LRP5: variants seen among roughly 807,000 people sequenced by gnomAD.
The protein encoded by LRP5 is LDL receptor related protein 5.
In LRP5, 62 loss-of-function variants were observed where a neutral mutation model predicts 154.1. That is an observed-to-expected ratio of 0.40 (90% CI 0.33 to 0.50). The LOEUF (loss-of-function observed/expected upper bound fraction) is 0.50, where lower values mean the gene tolerates loss of function less well. Among genes scored for constraint, LRP5 ranks in the 20% least tolerant of loss-of-function variants. LRP5 has a pLI of 0.55. For synonymous variants in LRP5, 966 were observed against 1,011.5 expected, an observed-to-expected ratio of 0.96 and a Z score of 0.85; for missense variants, 1,915 against 2,336.7, an observed-to-expected ratio of 0.82 and a Z score of 3.72.
intron 2 of LRP5, among the ~76,000 whole-genome samples, chr11:68,357,096 T>C (rs1565342027): frequency 6.6e-6 from 1 of 152,068 alleles, no homozygotes; most frequent in Non-Finnish European, 1.5e-5. Flanking sequence ...CTACCACGCC[T>C]GGCTAATGTT....
rs771614628 is a variant in LRP5, at chr11:68,436,986, C to G, written c.4098C>G (p.Asp1366Glu). 3 of 1,613,492 alleles carry G rather than the reference C, an allele frequency of 1.9e-6. No individual in the cohort carries two copies. In the East Asian group the frequency reaches 6.7e-5, roughly 36 times the overall value. Residue 1366 changes from aspartate to glutamate, a missense_variant, in exon 19 of 23, where the codon GAC becomes GAG. By Grantham distance (45) the Asp-to-Glu change is conservative. Around this residue, in one of 3 missense-constraint regions of LRP5, gnomAD observed 1,094 missense variants for 1,210.1 expected, o/e 0.90. Transcript: ENST00000294304. The stretch of plus-strand genomic sequence containing the variant: ...TCCCCGACTGTATCGACGGCTCCGA[C>G]GAGCTCATGTGTGGTGAGCCAGCTT... Reference protein sequence around the residue: ...DSFPDCIDGSDELMCEITKPP... With the variant: ...DSFPDCIDGSEELMCEITKPP...
chr11:68,427,001 T>C (rs1416599045), intron 16 of LRP5, among the ~76,000 whole-genome samples: 1 of 152,190 alleles, frequency 6.6e-6, no homozygotes, highest in Non-Finnish European at 1.5e-5. Flanking sequence ...GCCTCAGCAG[T>C]GGGGGCTCCC....
At chr11:68,305,902 C>T in the LRP5 span, among the ~76,000 whole-genome samples, 1 of 152,216 alleles carries the variant, frequency 6.6e-6, no homozygotes, top group Non-Finnish European at 1.5e-5. Flanking sequence ...AATCTGGTGG[C>T]TTAAAACAAC....
intron 1 of LRP5, among the ~76,000 whole-genome samples, chr11:68,318,735 G>C (rs1247580034): frequency 2.0e-5 from 3 of 152,176 alleles, no homozygotes; most frequent in Admixed American, 6.5e-5. Flanking sequence ...CCCCTTCAAG[G>C]ATATGACAAC....
At position 68,413,886 on chromosome 11, in the gene LRP5, G is replaced by T. The variant is rs1237143902; in HGVS notation, c.2701G>T (p.Asp901Tyr). 1.2e-6 allele frequency: 2 copies of T among 1,613,130 alleles called. No individual in the cohort carries two copies. Among genetic ancestry groups the T allele is most frequent in the Non-Finnish European group, 1.7e-6 (2 of 1,180,042 alleles). The change falls in exon 12 of 23, where the codon GAT (aspartate) becomes TAT (tyrosine). Residue 901 changes from aspartate to tyrosine, a missense_variant. Physicochemically the swap from Asp to Tyr is radical, Grantham distance 160 (BLOSUM62 -3). Coordinates refer to ENST00000294304, the MANE Select transcript of LRP5 (RefSeq NM_002335.4). The surrounding 1 kb of genome is among the most constrained non-coding windows in gnomAD (Gnocchi z 5.1). ...CCTGGTGTTCCACTCCTCCCGCCAG[G>T]ATGGCCTCAATGACTGTATGCACAA... ...DILVFHSSRQDGLNDCMHNNG... is the reference protein window; with the variant it reads ...DILVFHSSRQYGLNDCMHNNG...
At chr11:68,398,359 A>T (rs1408090873) in intron 7 of LRP5, among the ~76,000 whole-genome samples, 2 of 152,224 alleles carry the variant, frequency 1.3e-5, no homozygotes, top group Non-Finnish European at 2.9e-5. Flanking sequence ...CGGCCGGCCC[A>T]TTCCTTGGTG....
intron 1 of LRP5, among the ~76,000 whole-genome samples, chr11:68,332,719 G>T (rs1054668979): frequency 2.6e-5 from 4 of 152,214 alleles, no homozygotes; most frequent in African/African-American, 7.2e-5. Context: ...TGTAGAGAGA[G>T]CCCTTGTGGG....
Position 68,348,163 on chromosome 11 carries a change from C to G in LRP5, c.408C>G (p.Asn136Lys). Residue 136 changes from asparagine to lysine, a missense_variant, in exon 2 of 23, where the codon AAC becomes AAG. By Grantham distance (94) the Asn-to-Lys change is moderately conservative (BLOSUM62 0). Transcript: ENST00000294304. ...DSETNRIEVA[N>K]LNGTSRKVLF... ...AGACCAACCGCATCGAGGTGGCCAA[C>G]CTCAATGGCACATCCCGGAAGGTGC... 1 of 1,613,874 alleles carries G rather than the reference C, an allele frequency of 6.2e-7. No individual in the cohort carries two copies. Among genetic ancestry groups the G allele is most frequent in the Non-Finnish European group, 8.5e-7 (1 of 1,180,048 alleles).
Position 68,416,662 on chromosome 11 carries a change from GATTATGTAGTCACAGGGT to G in LRP5, c.3027+138_3027+155del. On this transcript the variant is annotated intron_variant, in intron 13 of 22. Coordinates refer to ENST00000294304, the MANE Select transcript of LRP5 (RefSeq NM_002335.4). ...CTGGGTGAATGATGACTTGGGCTTC[GATTATGTAGTCACAGGGT>G]ATGACCCTGAGATGCGTGGAACCCC... 2 of 802,666 alleles carry G rather than the reference GATTATGTAGTCACAGGGT, an allele frequency of 2.5e-6. 1 individual carries two copies. Among genetic ancestry groups the G allele is most frequent in the Middle Eastern group, 5.7e-4 (2 of 3,496 alleles). The allele number at this position is 802,666 out of a possible 1,614,324, so 49.7% of individuals were successfully genotyped here.
chr11:68,312,331 C>G (rs1241703100), upstream of LRP5, among the ~76,000 whole-genome samples: 1 of 151,956 alleles, frequency 6.6e-6, no homozygotes, highest in Non-Finnish European at 1.5e-5. Flanking sequence ...GGTGACACAC[C>G]TGGCTCCGGG....
rs909671136 is a variant in LRP5 at position 68,439,971 on chromosome 11, A to G, written c.4488+55A>G. Reference sequence around the variant, plus strand: ...CGGGATGGGGCTGTGGGCCCCTCCCACCGTCAGTGCTGGCCACCGGAGGCT... The same window carrying G: ...CGGGATGGGGCTGTGGGCCCCTCCCGCCGTCAGTGCTGGCCACCGGAGGCT... On this transcript the variant is annotated intron_variant, in intron 21 of 22. Transcript: ENST00000294304. 6 of 1,459,260 alleles carry G rather than the reference A, an allele frequency of 4.1e-6. No homozygotes were observed. The African/African-American group carries it at 8.4e-5, about 20-fold the overall frequency. 90.4% of individuals were successfully genotyped at this position (1,459,260 alleles called of 1,614,324 possible). A position where few individuals can be genotyped will look rare whatever the true frequency, so the allele number is the denominator to read the frequency against.
intron 7 of LRP5, among the ~76,000 whole-genome samples, chr11:68,391,258 C>T (rs188096321): frequency 1.2e-4 from 19 of 152,304 alleles, no homozygotes; most frequent in East Asian, 7.7e-4. Context: ...CGTGAGCCAC[C>T]GCGCCCAGCC....
At chr11:68,319,641 C>T (rs1230582004) in intron 1 of LRP5, among the ~76,000 whole-genome samples, 1 of 152,216 alleles carries the variant, frequency 6.6e-6, no homozygotes, top group African/African-American at 2.4e-5. Flanking sequence ...CAGGCATGTG[C>T]CATCACACCC....
intron 5 of LRP5, among the ~76,000 whole-genome samples, chr11:68,368,673 C>G (rs1254871300): frequency 6.6e-6 from 1 of 152,128 alleles, no homozygotes; most frequent in Non-Finnish European, 1.5e-5. Flanking sequence ...ATTTTATCTT[C>G]TGTTTTTTTG....
At chr11:68,332,386 G>A (rs975254949) in intron 1 of LRP5, among the ~76,000 whole-genome samples, 24 of 152,326 alleles carry the variant, frequency 1.6e-4, no homozygotes, top group Non-Finnish European at 1.9e-4. Context: ...CCCAGCACCC[G>A]GGCCTTGCTC....
In LRP5 at chr11:68,340,197, G is replaced by A. The variant is rs139262071; in HGVS notation, c.92-7650G>A. On this transcript the variant is annotated intron_variant, in intron 1 of 22. Transcript: ENST00000294304. ...CGAGGTTGCAGTGAGCTGAGATTGC[G>A]CCATCATACTCCAGCCTGGGCAACT... Among the ~76,000 whole-genome samples, 1,345 of 152,158 alleles carry A rather than the reference G, an allele frequency of 8.8e-3. 11 individuals carry two copies. Among genetic ancestry groups the A allele is most frequent in the Non-Finnish European group, 0.016 (1,077 of 68,002 alleles).
chr11:68,448,845 G>A lies in LRP5; in HGVS notation c.4623G>A (p.Thr1541=), dbSNP rs139974816. 502 of 1,610,548 alleles carry A rather than the reference G, an allele frequency of 3.1e-4. No homozygotes were observed. In the African/African-American group the frequency reaches 5.4e-3, roughly 17 times the overall value. ...YIIRGMAPPT[T]PCSTDVCDSD... Reference sequence around the variant, plus strand: ...TTCGAGGAATGGCGCCCCCGACGACGCCCTGCAGCACCGACGTGTGTGACA... The same window carrying A: ...TTCGAGGAATGGCGCCCCCGACGACACCCTGCAGCACCGACGTGTGTGACA... Residue 1541 remains threonine, a synonymous_variant, in exon 23 of 23, where the codon ACG becomes ACA. Transcript: ENST00000294304.
intron 17 of LRP5, among the ~76,000 whole-genome samples, chr11:68,432,221 C>T (rs1205862740): frequency 1.3e-5 from 2 of 152,190 alleles, no homozygotes; most frequent in East Asian, 1.9e-4. Context: ...AGGTCGGAGG[C>T]TTTGGGAGGC....
At chr11:68,357,565 C>T (rs2098624139) in intron 2 of LRP5, 85 bp from the exon 3 acceptor site, 6 of 1,265,084 alleles carry the variant, frequency 4.7e-6, no homozygotes, top group Non-Finnish European at 6.8e-6. Context: ...AGTTCACTGT[C>T]TGTTGTTTCA....
Sources: allele counts gnomAD v4.1 joint callset (sites outside exome capture counted in the v4.1 genomes callset), GRCh38; gene constraint gnomAD v4.1.1; regional missense constraint gnomAD v4.1.1; non-coding constraint Gnocchi (gnomAD v3.1); transcripts MANE v1.5; gene names NCBI Gene and HGNC (gene_info 2026-07-23, HGNC 2026-07-21).